Variants in LRP1B observed in about 807,000 individuals in gnomAD.
LRP1B encodes the protein LDL receptor related protein 1B.
In LRP1B, 217 loss-of-function variants were observed where a neutral mutation model predicts 556.6. That is an observed-to-expected ratio of 0.39 (90% confidence interval 0.35 to 0.44). LRP1B has a LOEUF of 0.44. Among genes scored for constraint, LRP1B ranks in the 20% least tolerant of loss-of-function variants. LRP1B has a pLI of 1.00. For synonymous variants in LRP1B, 2,047 were observed against 1,865.8 expected (o/e 1.10, Z -2.50); for missense variants, 5,053 against 5,620.8 (o/e 0.90, Z 3.23).
chr2:141,812,344 C>T (rs566450969), intron 1 of LRP1B, among the ~76,000 whole-genome samples: 8 of 152,110 alleles, frequency 5.3e-5, no homozygotes, highest in African/African-American at 1.4e-4. Context: ...AGTAATTACA[C>T]TGGGACAACA....
chr2:140,889,821 T>A (rs892928284), intron 23 of LRP1B, among the ~76,000 whole-genome samples: 3 of 152,184 alleles, frequency 2.0e-5, no homozygotes, highest in Admixed American at 2.0e-4. Flanking sequence ...TCATAAAGTG[T>A]CAATGGTAGT....
chr2:140,617,530 T>C (rs1212772192), intron 41 of LRP1B, among the ~76,000 whole-genome samples: 1 of 152,010 alleles, frequency 6.6e-6, no homozygotes, highest in South Asian at 2.1e-4. Flanking sequence ...GGATATTTCT[T>C]TCTGATCTTT....
intron 1 of LRP1B, among the ~76,000 whole-genome samples, chr2:141,884,838 A>C (rs1699061247): frequency 6.6e-6 from 1 of 152,200 alleles, no homozygotes; most frequent in South Asian, 2.1e-4. Context: ...AAGATAAAGC[A>C]AACTATCTTT....
At chr2:142,005,429 C>G (rs1410027433) in intron 1 of LRP1B, among the ~76,000 whole-genome samples, 1 of 152,094 alleles carries the variant, frequency 6.6e-6, no homozygotes, top group Non-Finnish European at 1.5e-5. Context: ...TGTTCTATTA[C>G]CAGTTGATAG....
At chr2:141,160,952 T>G (rs1680002005) in intron 7 of LRP1B, among the ~76,000 whole-genome samples, 1 of 151,962 alleles carries the variant, frequency 6.6e-6, no homozygotes, top group African/African-American at 2.4e-5. Context: ...CAATAAAAAT[T>G]TCCTCGTTTT....
chr2:140,353,842 C>T, intron 75 of LRP1B, among the ~76,000 whole-genome samples: 1 of 152,030 alleles, frequency 6.6e-6, no homozygotes, highest in South Asian at 2.1e-4. Flanking sequence ...ACATCTCTAA[C>T]ACACTTCTGG....
At chr2:140,722,693 T>A (rs1559077137) in intron 35 of LRP1B, among the ~76,000 whole-genome samples, 1 of 152,214 alleles carries the variant, frequency 6.6e-6, no homozygotes, top group Non-Finnish European at 1.5e-5. Flanking sequence ...TACTGTTTAA[T>A]AATAAGTTGT....
intron 1 of LRP1B, among the ~76,000 whole-genome samples, chr2:142,087,630 C>T (rs528973425): frequency 1.7e-4 from 26 of 150,860 alleles, no homozygotes; most frequent in Non-Finnish European, 3.3e-4. Flanking sequence ...TATAAAATAT[C>T]GCCCCTTTTC....
At chr2:141,850,949 C>G (rs1439698294) in intron 1 of LRP1B, among the ~76,000 whole-genome samples, 3 of 151,622 alleles carry the variant, frequency 2.0e-5, no homozygotes, top group African/African-American at 7.3e-5. Flanking sequence ...AAATATATAA[C>G]TCCTTTGGGC....
At chr2:140,735,695 A>G (rs893592552) in intron 35 of LRP1B, among the ~76,000 whole-genome samples, 1 of 152,142 alleles carries the variant, frequency 6.6e-6, no homozygotes, top group African/African-American at 2.4e-5. Flanking sequence ...GCTGGTAGAT[A>G]TTACAGAAAT....
intron 3 of LRP1B, among the ~76,000 whole-genome samples, chr2:141,266,372 T>C (rs1458566532): frequency 2.0e-5 from 3 of 151,698 alleles, no homozygotes; most frequent in Admixed American, 2.0e-4. Flanking sequence ...ATTTTCTCCA[T>C]GCTCATGTTC....
intron 2 of LRP1B, among the ~76,000 whole-genome samples, chr2:141,721,127 A>G (rs997835628): frequency 1.3e-5 from 2 of 152,148 alleles, no homozygotes; most frequent in Non-Finnish European, 2.9e-5. Context: ...CTCATCCTTC[A>G]CAAGCAAAGG....
intron 1 of LRP1B, among the ~76,000 whole-genome samples, chr2:141,874,339 T>A (rs1005312137): frequency 6.6e-6 from 1 of 151,864 alleles, no homozygotes; most frequent in African/African-American, 2.4e-5. Flanking sequence ...ATGGAAAATA[T>A]GGTCTGGGCA....
chr2:140,308,281 A>T (rs2105022480), intron 83 of LRP1B, among the ~76,000 whole-genome samples: 1 of 151,866 alleles, frequency 6.6e-6, no homozygotes, highest in Admixed American at 6.6e-5. Context: ...ATGACTATTT[A>T]ATGTCAAAGT....
At chr2:141,439,620 C>A (rs1396745874) in intron 3 of LRP1B, among the ~76,000 whole-genome samples, 1 of 152,008 alleles carries the variant, frequency 6.6e-6, no homozygotes, top group Non-Finnish European at 1.5e-5. Context: ...AGAAATGATG[C>A]TTCAACACAG....
At chr2:141,181,134 A>G (rs1252622493) in intron 7 of LRP1B, among the ~76,000 whole-genome samples, 1 of 151,950 alleles carries the variant, frequency 6.6e-6, no homozygotes. Context: ...CCAAGAAGAT[A>G]TGAGAGAATG....
chr2:140,319,804 G>C (rs1410805628), intron 82 of LRP1B, among the ~76,000 whole-genome samples: 1 of 152,136 alleles, frequency 6.6e-6, no homozygotes, highest in Admixed American at 6.6e-5. Flanking sequence ...TCACAGTTGA[G>C]ATAACAGCTA....
chr2:141,338,990 A>T (rs1469936845), intron 3 of LRP1B, among the ~76,000 whole-genome samples: 1 of 149,064 alleles, frequency 6.7e-6, no homozygotes, highest in Non-Finnish European at 1.5e-5. Flanking sequence ...GGCGTTCATG[A>T]CTCTTGTTGC....
At chr2:140,851,947 AATTAC>A (rs1394815772) in intron 27 of LRP1B, among the ~76,000 whole-genome samples, 164 bp from the exon 28 acceptor site, 1 of 152,234 alleles carries the variant, frequency 6.6e-6, no homozygotes, top group African/African-American at 2.4e-5. Flanking sequence ...CATACACAGC[AATTAC>A]ATTAATAAAA....
Sources: gnomAD v4.1 joint callset for allele counts (sites outside exome capture counted in the v4.1 genomes callset) on GRCh38, gnomAD v4.1.1 for gene constraint, MANE v1.5 for transcripts, NCBI Gene and HGNC (gene_info 2026-07-23, HGNC 2026-07-21) for gene names.